The following VIPR2 variants were observed in gnomAD, a reference collection of about 807,000 sequenced individuals.
VIPR2 encodes the protein vasoactive intestinal peptide receptor 2, also known as vasoactive intestinal polypeptide receptor 2.
In VIPR2, 48 loss-of-function variants were observed where a neutral mutation model predicts 58.0. The ratio of observed to expected loss-of-function variants is 0.83; its 90% CI spans 0.66 to 1.05. VIPR2 has a LOEUF of 1.05. VIPR2 is among the 50% of genes least tolerant of loss of function. The probability of loss-of-function intolerance (pLI) is 0.00; values close to 1 mark genes in which losing one functional copy is unlikely to be tolerated. For missense variants in VIPR2, 534 were observed against 558.0 expected, an observed-to-expected ratio of 0.96 and a Z score of 0.43; for synonymous variants, 243 against 235.2, an observed-to-expected ratio of 1.03 and a Z score of -0.30.
At chr7:159,032,739 G>C (rs1260707155) in intron 10 of VIPR2, among the ~76,000 whole-genome samples, 2 of 152,156 alleles carry the variant, frequency 1.3e-5, no homozygotes, top group East Asian at 3.9e-4. Context: ...TCCTGGAAAG[G>C]GAACAGATTT....
chr7:159,133,588 AT>A (rs1361632333), intron 2 of VIPR2, among the ~76,000 whole-genome samples: 1 of 152,244 alleles, frequency 6.6e-6, no homozygotes, highest in Non-Finnish European at 1.5e-5. Context: ...TGAGTTTTAT[AT>A]TATCGTTCCT....
Position 159,134,544 on chromosome 7 carries a change from T to G in VIPR2, c.151+7902A>C, listed in dbSNP as rs1002226944. Among the ~76,000 whole-genome samples the G allele has an allele frequency of 7.2e-5, 11 of 152,304 alleles. 1 individual carries two copies. Among genetic ancestry groups the G allele is most frequent in the Admixed American group, 6.5e-4 (10 of 15,304 alleles). ...TGTAGAAAGTCTGACAAAAGAAATT[T>G]TATGTGTGGTCAAACTACTAACATT... On this transcript the variant is annotated intron_variant, in intron 2 of 12. Coordinates refer to ENST00000262178, the MANE Select transcript of VIPR2 (RefSeq NM_003382.5).
intron 4 of VIPR2, among the ~76,000 whole-genome samples, chr7:159,101,992 AATGAGTCTC>A (rs1308132005): frequency 3.5e-5 from 5 of 144,486 alleles, no homozygotes; most frequent in East Asian, 4.2e-4. Context: ...TGTGGTAGTG[AATGAGTCTC>A]ACGAGATCCG....
At chr7:159,072,132 T>C (rs143508100) in intron 4 of VIPR2, among the ~76,000 whole-genome samples, 26 of 127,960 alleles carry the variant, frequency 2.0e-4, no homozygotes, top group African/African-American at 3.7e-4. Flanking sequence ...TAAGAAAACA[T>C]ACATCACTAG....
chr7:159,144,405 C>T, intron 1 of VIPR2: 2 of 1,545,614 alleles, frequency 1.3e-6, no homozygotes, highest in South Asian at 1.2e-5. Flanking sequence ...GCTCCCGGGA[C>T]GGCCCCGAAC....
chr7:159,140,761 G>A (rs1221308854), intron 2 of VIPR2, among the ~76,000 whole-genome samples: 3 of 152,140 alleles, frequency 2.0e-5, no homozygotes, highest in African/African-American at 7.2e-5. Context: ...GGCCCCTAGC[G>A]CCCGATATGA....
chr7:159,043,215 G>T, intron 5 of VIPR2, 39 bp from the exon 6 acceptor site: 4 of 1,397,104 alleles, frequency 2.9e-6, no homozygotes, highest in African/African-American at 1.4e-5. Flanking sequence ...ATTGGAGGGG[G>T]AAGGGGAGGG....
At chr7:159,047,150 G>T (rs1392349327) in intron 5 of VIPR2, among the ~76,000 whole-genome samples, 1 of 152,132 alleles carries the variant, frequency 6.6e-6, no homozygotes, top group Non-Finnish European at 1.5e-5. Flanking sequence ...CAGGAGAATC[G>T]CTTGAACCCA....
In VIPR2 at chr7:159,090,084, C is replaced by G. The variant is rs544485286; in HGVS notation, c.357+13673G>C. Among the ~76,000 whole-genome samples, 262 of 149,584 alleles carry G rather than the reference C, an allele frequency of 1.8e-3. 3 individuals carry two copies. The highest frequency in any genetic ancestry group is 3.0e-3 in the Admixed American group (45 of 15,122). Reference sequence around the variant, plus strand: ...TCAGCACAGACACGCTGGGACCACACACAGGGGCCACCTCTTGTGACCATC... The same window carrying G: ...TCAGCACAGACACGCTGGGACCACAGACAGGGGCCACCTCTTGTGACCATC... On this transcript the variant is annotated intron_variant, in intron 4 of 12. Coordinates refer to ENST00000262178, the MANE Select transcript of VIPR2 (RefSeq NM_003382.5).
Position 159,128,335 on chromosome 7 carries a change from G to A in VIPR2, c.151+14111C>T, listed in dbSNP as rs1448482605. On this transcript the variant is annotated intron_variant, in intron 2 of 12. Transcript: ENST00000262178. This position sits in a 1 kb window ranked among gnomAD's most constrained non-coding sequence, Gnocchi z 4.1. Reference sequence around the variant, plus strand: ...TCCAACCCCTGACCACCCTGGAGCAGTTCTGAGCCTGCAGTGGTCTCCTTG... The same window carrying A: ...TCCAACCCCTGACCACCCTGGAGCAATTCTGAGCCTGCAGTGGTCTCCTTG... Among the ~76,000 whole-genome samples, 2 of 152,216 alleles carry A rather than the reference G, an allele frequency of 1.3e-5. No individual in the cohort carries two copies. The highest frequency in any genetic ancestry group is 2.9e-5 in the Non-Finnish European group (2 of 68,030).
At chr7:159,072,690 C>A (rs1047337766) in intron 4 of VIPR2, among the ~76,000 whole-genome samples, 3 of 152,114 alleles carry the variant, frequency 2.0e-5, no homozygotes, top group Non-Finnish European at 4.4e-5. Flanking sequence ...CAGTGGTTGG[C>A]ACACAGGAAT....
rs1163631372 is a variant in VIPR2, at chr7:159,030,515, G to A, written c.*101C>T. On this transcript the variant is annotated 3_prime_UTR_variant, in exon 13 of 13. Transcript: ENST00000262178. ...GAGTCAGGACCGCGCTGACCTGCCCGACACGGTGCTCGGGCATCTGGAAGG... is the reference window on the plus strand; with the variant it reads ...GAGTCAGGACCGCGCTGACCTGCCCAACACGGTGCTCGGGCATCTGGAAGG... 17 of 1,413,086 alleles carry A rather than the reference G, an allele frequency of 1.2e-5. No homozygotes were observed. The highest frequency in any genetic ancestry group is 2.6e-4 in the Middle Eastern group (1 of 3,862). The allele number at this position is 1,413,086 out of a possible 1,614,324, so 87.5% of individuals were successfully genotyped here. A position where few individuals can be genotyped will look rare whatever the true frequency, so the allele number is the denominator to read the frequency against.
intron 2 of VIPR2, among the ~76,000 whole-genome samples, chr7:159,121,759 AT>A (rs1796464174): frequency 6.6e-6 from 1 of 152,240 alleles, no homozygotes; most frequent in Non-Finnish European, 1.5e-5. Context: ...CAATGAAATA[AT>A]TGTCTGATAG....
chr7:159,078,015 T>C (rs1428682721), intron 4 of VIPR2, among the ~76,000 whole-genome samples: 1 of 152,196 alleles, frequency 6.6e-6, no homozygotes, highest in East Asian at 1.9e-4. Context: ...AACTGGAAAA[T>C]TTGATATAAA....
intron 4 of VIPR2, among the ~76,000 whole-genome samples, chr7:159,090,687 G>A (rs1380781104): frequency 1.1e-4 from 13 of 120,544 alleles, no homozygotes; most frequent in African/African-American, 3.2e-4. Context: ...CTGGGATCAC[G>A]CACAGGGGCC....
intron 4 of VIPR2, among the ~76,000 whole-genome samples, chr7:159,102,494 G>T (rs1247289835): frequency 6.6e-6 from 1 of 152,206 alleles, no homozygotes; most frequent in East Asian, 1.9e-4. Flanking sequence ...TGGGTCAGGA[G>T]TTTTACCTTC....
chr7:159,060,877 C>T (rs944274904), intron 4 of VIPR2, among the ~76,000 whole-genome samples: 1 of 152,240 alleles, frequency 6.6e-6, no homozygotes, highest in African/African-American at 2.4e-5. Context: ...ACCATTCAAC[C>T]TGGCAATACC....
intron 2 of VIPR2, among the ~76,000 whole-genome samples, chr7:159,135,682 G>A (rs1473781421): frequency 6.6e-6 from 1 of 151,798 alleles, no homozygotes; most frequent in Non-Finnish European, 1.5e-5. Context: ...AATTAGCTGG[G>A]CGTGGTGACA....
intron 3 of VIPR2, among the ~76,000 whole-genome samples, chr7:159,105,704 A>G (rs1167876086): frequency 1.3e-5 from 2 of 152,184 alleles, no homozygotes; most frequent in Non-Finnish European, 1.5e-5. Flanking sequence ...GGGGCCTCTT[A>G]GCTGCAGAGA....
Sources: allele counts gnomAD v4.1 joint callset (sites outside exome capture counted in the v4.1 genomes callset), GRCh38; gene constraint gnomAD v4.1.1; non-coding constraint Gnocchi (gnomAD v3.1); transcripts MANE v1.5; gene names NCBI Gene and HGNC (gene_info 2026-07-23, HGNC 2026-07-21).